Variants in IMMP2L observed in about 807,000 individuals in gnomAD.
IMMP2L encodes mitochondrial inner membrane protease subunit 2.
Under a neutral mutation model 19.3 loss-of-function variants are expected in IMMP2L, and 18 were observed. The observed-to-expected ratio is 0.93, with a 90% CI of 0.64 to 1.38. The LOEUF (loss-of-function observed/expected upper bound fraction) is 1.38, where lower values mean the gene tolerates loss of function less well. Ranked by LOEUF, IMMP2L falls within the 40% of genes most tolerant of loss-of-function variation. The probability of loss-of-function intolerance (pLI) is 0.00; values close to 1 mark genes in which losing one functional copy is unlikely to be tolerated. For synonymous variants in IMMP2L, 76 were observed against 73.0 expected, an observed-to-expected ratio of 1.04 and a Z score of -0.21; for missense variants, 233 against 218.2, an observed-to-expected ratio of 1.07 and a Z score of -0.43.
At chr7:111,403,415 T>C (rs917526743) in intron 3 of IMMP2L, among the ~76,000 whole-genome samples, 2 of 151,794 alleles carry the variant, frequency 1.3e-5, no homozygotes, top group South Asian at 2.1e-4. Flanking sequence ...TAGTTCTTTA[T>C]AGCAGTGTAA....
intron 3 of IMMP2L, among the ~76,000 whole-genome samples, chr7:111,013,819 T>A (rs1022494084): frequency 5.3e-5 from 8 of 152,160 alleles, no homozygotes; most frequent in African/African-American, 1.9e-4. Flanking sequence ...TTAAGTAGAC[T>A]GCTTATTTTT....
intron 3 of IMMP2L, among the ~76,000 whole-genome samples, chr7:111,223,759 C>A (rs1812775220): frequency 6.6e-6 from 1 of 152,010 alleles, no homozygotes; most frequent in African/African-American, 2.4e-5. Context: ...CCTGGGTTGG[C>A]TGATATTTAT....
intron 4 of IMMP2L, among the ~76,000 whole-genome samples, chr7:110,915,329 A>G (rs1351644541): frequency 2.6e-5 from 4 of 152,206 alleles, no homozygotes; most frequent in African/African-American, 4.8e-5. Flanking sequence ...AATGAACCTG[A>G]AGGACATTAT....
chr7:111,494,625 G>C (rs1452438509), intron 2 of IMMP2L, among the ~76,000 whole-genome samples: 1 of 152,078 alleles, frequency 6.6e-6, no homozygotes, highest in Non-Finnish European at 1.5e-5. Context: ...ACTTTAAACA[G>C]ATTATTTAAC....
chr7:111,357,121 C>A (rs1292377389), intron 3 of IMMP2L, among the ~76,000 whole-genome samples: 1 of 152,170 alleles, frequency 6.6e-6, no homozygotes, highest in Non-Finnish European at 1.5e-5. Context: ...AATCACTAAC[C>A]ACTTCAAGAA....
intron 4 of IMMP2L, among the ~76,000 whole-genome samples, chr7:110,943,221 ACAGT>A (rs1187641453): frequency 6.6e-6 from 1 of 151,988 alleles, no homozygotes; most frequent in Non-Finnish European, 1.5e-5. Flanking sequence ...GGCCCTTTTG[ACAGT>A]CAGCTCCTTG....
At chr7:111,201,629 T>G (rs1031803977) in intron 3 of IMMP2L, among the ~76,000 whole-genome samples, 9 of 151,622 alleles carry the variant, frequency 5.9e-5, no homozygotes, top group African/African-American at 2.2e-4. Context: ...GGTGGGAAGA[T>G]CGCTTGAGCC....
chr7:111,399,484 G>A (rs1404606447), intron 3 of IMMP2L, among the ~76,000 whole-genome samples: 1 of 151,836 alleles, frequency 6.6e-6, no homozygotes, highest in African/African-American at 2.4e-5. Flanking sequence ...CCACCTGAAT[G>A]CCTGGGATTA....
chr7:111,172,076 T>C (rs769096248), intron 3 of IMMP2L, among the ~76,000 whole-genome samples: 2 of 151,472 alleles, frequency 1.3e-5, no homozygotes, highest in Non-Finnish European at 3.0e-5. Flanking sequence ...GAAGAATTTC[T>C]TCAATATTGT....
At chr7:111,194,047 C>T (rs1007440964) in intron 3 of IMMP2L, among the ~76,000 whole-genome samples, 3 of 152,140 alleles carry the variant, frequency 2.0e-5, no homozygotes, top group South Asian at 2.1e-4. Flanking sequence ...GCTGTCTCTT[C>T]GGGATTTGGC....
intron 3 of IMMP2L, among the ~76,000 whole-genome samples, chr7:111,242,731 A>C (rs1815252568): frequency 6.6e-6 from 1 of 151,976 alleles, no homozygotes. Context: ...ATTCAACCAA[A>C]GCCTATGGCA....
At chr7:111,347,980 C>G (rs1028182981) in intron 3 of IMMP2L, among the ~76,000 whole-genome samples, 4 of 151,738 alleles carry the variant, frequency 2.6e-5, no homozygotes, top group African/African-American at 9.7e-5. Context: ...GAGTTCATGT[C>G]CTTTGTAGGG....
At chr7:110,725,765 G>A (rs550512359) in intron 5 of IMMP2L, 1 of 152,298 alleles carries the variant, frequency 6.6e-6, no homozygotes, top group African/African-American at 2.4e-5. Context: ...TGGATTAGAG[G>A]CTGGTTTATT....
At chr7:110,683,350 A>G (rs10499992) in intron 5 of IMMP2L, among the ~76,000 whole-genome samples, 4,089 of 152,160 alleles carry the variant, frequency 0.027, 69 homozygotes, top group Middle Eastern at 0.087. Flanking sequence ...ACTTTATATA[A>G]TTTTTAGCTG....
chr7:111,458,178 T>C (rs2131980334), intron 3 of IMMP2L, among the ~76,000 whole-genome samples: 1 of 152,138 alleles, frequency 6.6e-6, no homozygotes, highest in Admixed American at 6.5e-5. Flanking sequence ...CAGGAGTTTG[T>C]GACTAGCCTG....
chr7:111,214,331 CTTTTTT>C (rs1169450523), intron 3 of IMMP2L, among the ~76,000 whole-genome samples: 1 of 82,194 alleles, frequency 1.2e-5, no homozygotes, highest in African/African-American at 5.3e-5. Flanking sequence ...AATTTTTCTT[CTTTTTT>C]TTTTTTTTTT....
At chr7:111,547,917 T>C (rs1240111268) in intron 1 of IMMP2L, among the ~76,000 whole-genome samples, 1 of 152,058 alleles carries the variant, frequency 6.6e-6, no homozygotes, top group Admixed American at 6.6e-5. Context: ...ACACAGGGTT[T>C]CACCATGTTG....
chr7:110,880,416 A>G (rs1809523512), intron 5 of IMMP2L, among the ~76,000 whole-genome samples: 1 of 152,080 alleles, frequency 6.6e-6, no homozygotes, highest in Admixed American at 6.6e-5. Flanking sequence ...AAAGAACGTT[A>G]TTTACGTAGT....
At chr7:111,413,501 C>T (rs1258976014) in intron 3 of IMMP2L, among the ~76,000 whole-genome samples, 17 of 151,254 alleles carry the variant, frequency 1.1e-4, no homozygotes, top group Admixed American at 1.1e-3. Context: ...AAAAAAAATA[C>T]ATCATGATGA....
Sources: allele counts gnomAD v4.1 joint callset (sites outside exome capture counted in the v4.1 genomes callset), GRCh38; gene constraint gnomAD v4.1.1; transcripts MANE v1.5; gene names NCBI Gene and HGNC (gene_info 2026-07-23, HGNC 2026-07-21).